GABBR2: variants seen among roughly 807,000 people sequenced by gnomAD.
The protein encoded by GABBR2 is G-protein coupled receptor 51.
GABBR2 carries 23 observed loss-of-function variants against 105.6 expected under a neutral mutation model. The observed-to-expected ratio is 0.22, with a 90% CI of 0.16 to 0.31. The LOEUF is 0.31. GABBR2 is among the 10% of genes least tolerant of loss of function. The pLI is 1.00. For missense variants in GABBR2, 734 were observed against 1,245.5 expected (o/e 0.59, Z 6.18); for synonymous variants, 478 against 499.7 (o/e 0.96, Z 0.58).
intron 1 of GABBR2, among the ~76,000 whole-genome samples, chr9:98,579,073 C>T (rs1043174983): frequency 1.3e-5 from 2 of 152,004 alleles, no homozygotes; most frequent in Non-Finnish European, 2.9e-5. Context: ...GTACTTAATG[C>T]CACTGAACTG....
In GABBR2 at chr9:98,362,843, G is replaced by C; in HGVS notation, c.1771-6C>G. On this transcript the variant is annotated splice_region_variant and splice_polypyrimidine_tract_variant and intron_variant, in intron 12 of 18. Transcript: ENST00000259455. ...AGTTTCTGGTCCTTGATGATCTACA[G>C]AGCGGGAAGGAGCAGAGGGGAGCCG... 2.6e-6 allele frequency: 4 copies of C among 1,565,216 alleles called. No individual in the cohort carries two copies. Among genetic ancestry groups the C allele is most frequent in the South Asian group, 1.2e-5 (1 of 81,578 alleles).
chr9:98,635,399 G>A (rs1829862323), intron 1 of GABBR2, among the ~76,000 whole-genome samples: 1 of 152,160 alleles, frequency 6.6e-6, no homozygotes, highest in Non-Finnish European at 1.5e-5. Context: ...GGGGAGGATG[G>A]GAGTTGAGGG....
At chr9:98,594,286 C>T (rs528184183) in intron 1 of GABBR2, among the ~76,000 whole-genome samples, 24 of 152,326 alleles carry the variant, frequency 1.6e-4, no homozygotes, top group Non-Finnish European at 2.6e-4. Context: ...GGCCCGCCTC[C>T]CACCCCGTGG....
At chr9:98,402,439 T>TTCAG (rs372385994) in intron 8 of GABBR2, among the ~76,000 whole-genome samples, 78 of 152,210 alleles carry the variant, frequency 5.1e-4, no homozygotes, top group African/African-American at 1.7e-3. Flanking sequence ...ATGAAAGGGG[T>TTCAG]TCAGGCCTGA....
At chr9:98,543,228 A>G (rs1162742402) in intron 2 of GABBR2, among the ~76,000 whole-genome samples, 2 of 152,134 alleles carry the variant, frequency 1.3e-5, no homozygotes, top group African/African-American at 4.8e-5. Context: ...TCAGCCACAG[A>G]AGGTAGTTAT....
At chr9:98,453,549 G>A (rs1826272380) in intron 7 of GABBR2, among the ~76,000 whole-genome samples, 1 of 147,954 alleles carries the variant, frequency 6.8e-6, no homozygotes, top group African/African-American at 2.4e-5. Context: ...GAGGCTATCT[G>A]TGTGTGCTAA....
intron 1 of GABBR2, among the ~76,000 whole-genome samples, chr9:98,696,552 T>A (rs767931441): frequency 6.6e-6 from 1 of 152,158 alleles, no homozygotes; most frequent in Non-Finnish European, 1.5e-5. Flanking sequence ...ATGGTAACGA[T>A]CCCTGGGCCT....
At chr9:98,696,082 G>A (rs1188404929) in intron 1 of GABBR2, among the ~76,000 whole-genome samples, 1 of 152,182 alleles carries the variant, frequency 6.6e-6, no homozygotes, top group East Asian at 1.9e-4. Context: ...TCCAACAAAA[G>A]TTAACTTGCG....
At chr9:98,566,511 T>C (rs576550827) in intron 2 of GABBR2, among the ~76,000 whole-genome samples, 1 of 151,906 alleles carries the variant, frequency 6.6e-6, no homozygotes, top group Non-Finnish European at 1.5e-5. Flanking sequence ...CCGTCTCTAC[T>C]AAAATTACAA....
At chr9:98,571,637 G>A (rs1339389550) in intron 2 of GABBR2, among the ~76,000 whole-genome samples, 6 of 152,116 alleles carry the variant, frequency 3.9e-5, no homozygotes, top group South Asian at 4.1e-4. Context: ...AAGAACCCCC[G>A]TAAGTGACTC....
chr9:98,555,675 C>CT (rs1413952254), intron 2 of GABBR2: 1 of 152,172 alleles, frequency 6.6e-6, no homozygotes. Context: ...ATCATGTCTC[C>CT]TCATGTCAAT....
At chr9:98,497,025 CTA>C (rs1827294414) in intron 3 of GABBR2, among the ~76,000 whole-genome samples, 1 of 152,198 alleles carries the variant, frequency 6.6e-6, no homozygotes, top group Non-Finnish European at 1.5e-5. Flanking sequence ...TGAGGAATAT[CTA>C]TGGATGTGAA....
chr9:98,454,605 G>A lies in GABBR2; in HGVS notation c.1000-388C>T, dbSNP rs950653094. ...CGTATGTCTAAATGTTAAAGTTATA[G>A]CATATGAACAAACTGTTCAAAAATA... On this transcript the variant is annotated intron_variant, in intron 6 of 18. Coordinates refer to ENST00000259455, the MANE Select transcript of GABBR2 (RefSeq NM_005458.8). The surrounding 1 kb of genome is among the most constrained non-coding windows in gnomAD (Gnocchi z 4.6). 6.6e-6 allele frequency among the ~76,000 whole-genome samples: 1 copy of A among 152,164 alleles called. No individual in the cohort carries two copies. The highest frequency in any genetic ancestry group is 1.5e-5 in the Non-Finnish European group (1 of 68,022).
rs1342829757 is a variant in GABBR2, at chr9:98,549,168, G to T, written c.460-7125C>A. ...ACCATGTTGGACAGGCTGGTCTTGC[G>T]CTCCTGACCTCAGGTGATCCACCTG... On this transcript the variant is annotated intron_variant, in intron 2 of 18. Transcript: ENST00000259455. 4.1e-5 allele frequency among the ~76,000 whole-genome samples: 5 copies of T among 121,466 alleles called. 2 individuals are homozygous for T. In the Admixed American group the frequency reaches 4.5e-4, roughly 11 times the overall value. The allele number at this position is 121,466 out of a possible 152,430, so 79.7% of individuals were successfully genotyped here.
chr9:98,699,661 G>C (rs1465754199), intron 1 of GABBR2, among the ~76,000 whole-genome samples: 1 of 152,186 alleles, frequency 6.6e-6, no homozygotes, highest in East Asian at 1.9e-4. Flanking sequence ...GTGGAGTGGG[G>C]ATCCTCGATT....
chr9:98,607,186 T>C lies in GABBR2; in HGVS notation c.322-29114A>G, dbSNP rs1588249824. 1.9e-6 allele frequency: 3 copies of C among 1,604,376 alleles called. No homozygotes were observed. In the East Asian group the frequency reaches 6.7e-5, roughly 36 times the overall value. ...TAGTTGATACCCCAGGATTTGGAGA[T>C]GCAGTGGATAATAGTAATTGCTGGC... On this transcript the variant is annotated intron_variant, in intron 1 of 18. Transcript: ENST00000259455.
chr9:98,591,177 G>A (rs1300228445), intron 1 of GABBR2, among the ~76,000 whole-genome samples: 2 of 152,194 alleles, frequency 1.3e-5, no homozygotes, highest in Admixed American at 1.3e-4. Context: ...GGAGGAGGCG[G>A]CATTTGAGCT....
chr9:98,708,145 G>C (rs1032840445), intron 1 of GABBR2, among the ~76,000 whole-genome samples: 1 of 152,116 alleles, frequency 6.6e-6, no homozygotes, highest in African/African-American at 2.4e-5. Context: ...CTGGTCAAAA[G>C]AGACCCCAGT....
intron 1 of GABBR2, among the ~76,000 whole-genome samples, chr9:98,590,028 T>C (rs1223776647): frequency 6.6e-6 from 1 of 152,236 alleles, no homozygotes; most frequent in East Asian, 1.9e-4. Context: ...CATGCCCTGC[T>C]GAACTAGGTT....
Sources: allele counts gnomAD v4.1 joint callset (sites outside exome capture counted in the v4.1 genomes callset), GRCh38; gene constraint gnomAD v4.1.1; non-coding constraint Gnocchi (gnomAD v3.1); transcripts MANE v1.5; gene names NCBI Gene and HGNC (gene_info 2026-07-23, HGNC 2026-07-21).